The following CUX1 variants were observed in gnomAD, a reference collection of about 807,000 sequenced individuals.
CUX1 encodes protein CASP.
Under a neutral mutation model 158.8 loss-of-function variants are expected in CUX1, and 31 were observed. That is an observed-to-expected ratio of 0.20 (90% CI 0.15 to 0.26). CUX1 has a LOEUF of 0.26. Ranked by LOEUF, CUX1 falls within the 10% of genes least tolerant of loss-of-function variation. The pLI is 1.00. For missense variants in CUX1, 1,589 were observed against 2,014.6 expected, an observed-to-expected ratio of 0.79 and a Z score of 4.04; for synonymous variants, 879 against 862.1, an observed-to-expected ratio of 1.02 and a Z score of -0.34.
At chr7:102,049,198 C>T (rs949388102) in intron 3 of CUX1, among the ~76,000 whole-genome samples, 17 of 152,196 alleles carry the variant, frequency 1.1e-4, no homozygotes, top group African/African-American at 2.7e-4. Context: ...GAGACTCACT[C>T]GGAGAAATTT....
At chr7:102,027,185 G>A (rs7798230) in intron 2 of CUX1, among the ~76,000 whole-genome samples, 4,300 of 152,044 alleles carry the variant, frequency 0.028, 88 homozygotes, top group Non-Finnish European at 0.034. Context: ...AGGAGTTCCA[G>A]ACCACCTTGG....
chr7:102,061,243 G>A (rs1824841178), intron 3 of CUX1, among the ~76,000 whole-genome samples: 1 of 152,106 alleles, frequency 6.6e-6, no homozygotes, highest in Non-Finnish European at 1.5e-5. Context: ...CAGCATTTAA[G>A]TAACCTGCCT....
chr7:102,254,268 A>G lies in CUX1; in HGVS notation c.*5226A>G. On this transcript the variant is annotated 3_prime_UTR_variant, in exon 24 of 24. Transcript: ENST00000292535. ...TCCTGCTCAGCTGTTAAGATCCATC[A>G]TGGCCATTATCCTTGTCCCGGACTG... The G allele has an allele frequency of 5.1e-6, 5 of 985,314 alleles. No homozygotes were observed. The highest frequency in any genetic ancestry group is 6.0e-6 in the Non-Finnish European group (5 of 829,952). The allele number at this position is 985,314 out of a possible 1,614,324, so 61.0% of individuals were successfully genotyped here. A position where few individuals can be genotyped will look rare whatever the true frequency, so the allele number is the denominator to read the frequency against.
chr7:102,189,486 C>G (rs1327705006), intron 11 of CUX1, among the ~76,000 whole-genome samples: 1 of 151,858 alleles, frequency 6.6e-6, no homozygotes, highest in East Asian at 1.9e-4. Context: ...CCCTCCAACT[C>G]CCGGGCTCAG....
intron 3 of CUX1, among the ~76,000 whole-genome samples, chr7:102,029,704 T>C (rs13246556): frequency 0.021 from 3,221 of 152,284 alleles, 66 homozygotes; most frequent in Non-Finnish European, 0.034. Context: ...TCAGCCCCCA[T>C]GCACGTAGCT....
intron 2 of CUX1, among the ~76,000 whole-genome samples, chr7:101,928,961 C>T (rs1158925774): frequency 6.6e-6 from 1 of 151,976 alleles, no homozygotes; most frequent in Non-Finnish European, 1.5e-5. Context: ...TGAGCCACTG[C>T]ACCCGGCCAC....
chr7:102,119,251 T>C (rs1831775870), intron 8 of CUX1, among the ~76,000 whole-genome samples: 1 of 150,772 alleles, frequency 6.6e-6, no homozygotes, highest in Admixed American at 6.7e-5. Context: ...CCACATTGTC[T>C]GTCTGTCGTG....
chr7:101,837,534 G>A (rs1337063480), intron 1 of CUX1, among the ~76,000 whole-genome samples: 2 of 152,054 alleles, frequency 1.3e-5, no homozygotes, highest in Non-Finnish European at 2.9e-5. Context: ...TCATGTTAAA[G>A]TTACTGAAAT....
At chr7:101,930,414 C>A (rs1196254437) in intron 2 of CUX1, among the ~76,000 whole-genome samples, 1 of 152,104 alleles carries the variant, frequency 6.6e-6, no homozygotes, top group African/African-American at 2.4e-5. Flanking sequence ...TTATGTCAGT[C>A]AAGAAAATGA....
At chr7:102,039,649 T>C (rs1706000809) in intron 3 of CUX1, among the ~76,000 whole-genome samples, 1 of 148,080 alleles carries the variant, frequency 6.8e-6, no homozygotes, top group African/African-American at 2.5e-5. Flanking sequence ...AGCGAGACCC[T>C]GTCTCTATTT....
Position 102,053,090 on chromosome 7 carries a change from G to A in CUX1, c.190-17249G>A, listed in dbSNP as rs553679499. Among the ~76,000 whole-genome samples the A allele has an allele frequency of 6.0e-4, 91 of 152,270 alleles. 2 individuals are homozygous for A. Among genetic ancestry groups the A allele is most frequent in the African/African-American group, 2.0e-3 (82 of 41,550 alleles). On this transcript the variant is annotated intron_variant, in intron 3 of 23. Coordinates refer to ENST00000292535, the MANE Select transcript of CUX1 (RefSeq NM_181552.4). ...CTCCTAAAGTGCTGGGATTATAGGC[G>A]TGAGCCACCGCAGCCGGCCCCATTA...
At chr7:102,091,921 A>G (rs1488111700) in intron 4 of CUX1, among the ~76,000 whole-genome samples, 4 of 152,104 alleles carry the variant, frequency 2.6e-5, no homozygotes, top group African/African-American at 9.7e-5. Flanking sequence ...ACACCCAGCT[A>G]ATTTTTGTAT....
chr7:102,173,824 T>C (rs1201623207), intron 10 of CUX1, among the ~76,000 whole-genome samples: 2 of 152,074 alleles, frequency 1.3e-5, no homozygotes, highest in Admixed American at 1.3e-4. Flanking sequence ...ACCGGTTCAG[T>C]CTCCCCAGAG....
chr7:102,129,477 A>G (rs899104914), intron 8 of CUX1, among the ~76,000 whole-genome samples: 19 of 152,128 alleles, frequency 1.2e-4, no homozygotes, highest in Non-Finnish European at 2.4e-4. Flanking sequence ...TGAGGTCAGG[A>G]GTTCGAGACC....
chr7:102,263,508 G>A (rs554189606), intron 14 of CUX1, among the ~76,000 whole-genome samples: 1 of 151,846 alleles, frequency 6.6e-6, no homozygotes, highest in East Asian at 1.9e-4. Flanking sequence ...AGAGACAGGA[G>A]TTTCATCATG....
chr7:102,193,313 C>T (rs558146314), intron 12 of CUX1, among the ~76,000 whole-genome samples: 11 of 152,308 alleles, frequency 7.2e-5, no homozygotes, highest in African/African-American at 2.6e-4. Context: ...CTGAACAGAC[C>T]TGGTGTGATT....
At chr7:101,956,907 C>G (rs1809849528) in intron 2 of CUX1, among the ~76,000 whole-genome samples, 1 of 152,142 alleles carries the variant, frequency 6.6e-6, no homozygotes, top group African/African-American at 2.4e-5. Flanking sequence ...TGTGATCACA[C>G]CACTGCATTC....
chr7:101,817,280 C>A, upstream of CUX1: 2 of 984,948 alleles, frequency 2.0e-6, no homozygotes, highest in South Asian at 4.7e-5. The surrounding 1 kb of genome is among the most constrained non-coding windows in gnomAD (Gnocchi z 4.1). Flanking sequence ...CGGTGACCTG[C>A]GGCGCCGGGT....
chr7:101,919,688 C>T (rs546670778), intron 2 of CUX1, among the ~76,000 whole-genome samples: 8 of 152,174 alleles, frequency 5.3e-5, no homozygotes, highest in Non-Finnish European at 1.2e-4. Context: ...CTAATGTGTT[C>T]CACAGGGAGG....
Sources: gnomAD v4.1 joint callset for allele counts (sites outside exome capture counted in the v4.1 genomes callset) on GRCh38, gnomAD v4.1.1 for gene constraint, Gnocchi (gnomAD v3.1) non-coding constraint, MANE v1.5 for transcripts, NCBI Gene and HGNC (gene_info 2026-07-23, HGNC 2026-07-21) for gene names.